KIF5A: variants seen among roughly 807,000 people sequenced by gnomAD.
The protein encoded by KIF5A is kinesin heavy chain isoform 5A.
KIF5A carries 35 observed loss-of-function variants against 141.3 expected under a neutral mutation model. That is an observed-to-expected ratio of 0.25 (90% confidence interval 0.19 to 0.33). KIF5A has a LOEUF of 0.33. Among genes scored for constraint, KIF5A ranks in the 10% least tolerant of loss-of-function variants. The pLI is 1.00. For synonymous variants in KIF5A, 448 were observed against 500.2 expected (o/e 0.90, Z 1.39); for missense variants, 861 against 1,314.3 (o/e 0.66, Z 5.33).
intron 12 of KIF5A, among the ~76,000 whole-genome samples, chr12:57,570,894 G>C (rs566740559): frequency 5.9e-5 from 9 of 151,830 alleles, no homozygotes; most frequent in Non-Finnish European, 1.2e-4. Context: ...GGGCTCGAGG[G>C]ATCCCCCCCA....
chr12:57,551,453 T>A (rs1881570130), intron 1 of KIF5A, among the ~76,000 whole-genome samples: 1 of 152,182 alleles, frequency 6.6e-6, no homozygotes, highest in African/African-American at 2.4e-5. Flanking sequence ...GTTCTGCACC[T>A]TTATCTGTAA....
At chr12:57,580,059 T>C (rs113328064) in intron 23 of KIF5A, among the ~76,000 whole-genome samples, 66 of 152,310 alleles carry the variant, frequency 4.3e-4, no homozygotes, top group Non-Finnish European at 7.6e-4. Flanking sequence ...GCTAAAGTAT[T>C]GTCACAGCAA....
intron 23 of KIF5A, among the ~76,000 whole-genome samples, chr12:57,579,858 C>T (rs1882541491): frequency 6.6e-6 from 1 of 152,146 alleles, no homozygotes; most frequent in Non-Finnish European, 1.5e-5. Context: ...ACACTGTTTC[C>T]TTTATCGTCA....
chr12:57,572,778 G>A lies in KIF5A; in HGVS notation c.1716+52G>A, dbSNP rs756975945. On this transcript the variant is annotated intron_variant, in intron 15 of 28. Transcript: ENST00000455537. This position sits in a 1 kb window ranked among gnomAD's most constrained non-coding sequence, Gnocchi z 4.2. ...TTCAGGCTGGGCACTAGTGGAAGAC[G>A]CAAGATGAGCCATCCAGGCCTTCAC... The A allele has an allele frequency of 3.7e-6, 6 of 1,605,552 alleles. No individual in the cohort carries two copies. Among genetic ancestry groups the A allele is most frequent in the South Asian group, 1.1e-5 (1 of 90,888 alleles).
chr12:57,557,168 C>T (rs913191776), intron 1 of KIF5A, among the ~76,000 whole-genome samples: 3 of 151,924 alleles, frequency 2.0e-5, no homozygotes, highest in Non-Finnish European at 4.4e-5. Flanking sequence ...CAATCCCCAA[C>T]CCAAATGCTA....
chr12:57,555,785 TG>T (rs1237817201), intron 1 of KIF5A, among the ~76,000 whole-genome samples: 1 of 149,156 alleles, frequency 6.7e-6, no homozygotes, highest in African/African-American at 2.5e-5. Flanking sequence ...GGTGGGCGCC[TG>T]TAATCCCAGC....
intron 12 of KIF5A, among the ~76,000 whole-genome samples, chr12:57,570,392 T>C (rs1157049580): frequency 6.6e-6 from 1 of 152,236 alleles, no homozygotes; most frequent in Admixed American, 6.5e-5. Flanking sequence ...AATTGAGTTA[T>C]ACTGTATAAG....
intron 1 of KIF5A, among the ~76,000 whole-genome samples, chr12:57,551,666 A>G (rs1337408139): frequency 6.6e-6 from 1 of 152,154 alleles, no homozygotes; most frequent in African/African-American, 2.4e-5. Context: ...ATCTTTATCC[A>G]CAGTGCTTGG....
intron 1 of KIF5A, among the ~76,000 whole-genome samples, chr12:57,556,385 G>A (rs568252795): frequency 6.6e-6 from 1 of 152,064 alleles, no homozygotes; most frequent in Admixed American, 6.6e-5. Context: ...TGATCCACCC[G>A]CCTCGGCCTC....
In KIF5A at chr12:57,578,099, G is replaced by A. The variant is rs114929380; in HGVS notation, c.2433+19G>A. The A allele has an allele frequency of 3.3e-4, 530 of 1,609,390 alleles. 2 individuals are homozygous for A. In the African/African-American group the frequency reaches 5.7e-3, roughly 17 times the overall value. ...CAAGAAAGTGAGTGCTGTCCTTGGG[G>A]TTTTGTCAGCCCCCACATCCTCCTC... On this transcript the variant is annotated intron_variant, in intron 22 of 28. Transcript: ENST00000455537.
chr12:57,555,655 A>G (rs1012921955), intron 1 of KIF5A, among the ~76,000 whole-genome samples: 1 of 152,126 alleles, frequency 6.6e-6, no homozygotes, highest in African/African-American at 2.4e-5. Context: ...TCACGCCTAT[A>G]ATCTCAGCAC....
At chr12:57,577,892 T>A (rs180706454) in intron 21 of KIF5A, 117 bp from the exon 22 acceptor site, 1 of 1,259,446 alleles carries the variant, frequency 7.9e-7, no homozygotes, top group East Asian at 2.3e-5. Context: ...CAAGACACAT[T>A]TTTTCCTAAA....
At chr12:57,567,094 C>T in intron 6 of KIF5A, 32 bp from the exon 7 acceptor site, 2 of 1,358,810 alleles carry the variant, frequency 1.5e-6, no homozygotes, top group Non-Finnish European at 2.1e-6. Flanking sequence ...AAAAACAAAG[C>T]TTATGGGTCA....
intron 1 of KIF5A, among the ~76,000 whole-genome samples, chr12:57,553,676 C>T (rs1327655592): frequency 3.3e-5 from 5 of 152,092 alleles, no homozygotes; most frequent in African/African-American, 1.2e-4. Context: ...TGATCTTAAA[C>T]CCCCAGCCCC....
At chr12:57,574,851 G>A (rs1462973119) in intron 15 of KIF5A, among the ~76,000 whole-genome samples, 1 of 152,172 alleles carries the variant, frequency 6.6e-6, no homozygotes, top group African/African-American at 2.4e-5. Flanking sequence ...CCAAAGTGCT[G>A]AGATTACAAG....
At chr12:57,581,649 G>A (rs943287837) in intron 25 of KIF5A, 81 bp downstream of exon 25, 1 of 1,515,696 alleles carries the variant, frequency 6.6e-7, no homozygotes, top group African/African-American at 1.4e-5. Flanking sequence ...GCAGTTATTG[G>A]TTGTGGCTTA....
rs763135764 is a variant in KIF5A, at chr12:57,569,330, G to A, written c.894G>A (p.Thr298=). The change falls in exon 10 of 29, where the codon ACG becomes ACA. Residue 298 remains threonine (T), a synonymous_variant. Coordinates refer to ENST00000455537, the MANE Select transcript of KIF5A (RefSeq NM_004984.4). ...LQDSLGGNCR[T]TMFICCSPSS... The stretch of plus-strand genomic sequence containing the variant: ...ACTCTCTCGGGGGAAACTGCCGGAC[G>A]ACTATGTTCATCTGTTGCTCACCAT... The A allele has an allele frequency of 5.1e-5, 83 of 1,613,674 alleles. No individual in the cohort carries two copies. Among genetic ancestry groups the A allele is most frequent in the Non-Finnish European group, 5.8e-5 (69 of 1,179,852 alleles).
intron 23 of KIF5A, among the ~76,000 whole-genome samples, chr12:57,579,729 A>G (rs1411138361): frequency 1.3e-5 from 2 of 152,152 alleles, no homozygotes; most frequent in African/African-American, 2.4e-5. Flanking sequence ...CCAAATCCAT[A>G]TTATGTTGCT....
intron 15 of KIF5A, 73 bp from the exon 16 acceptor site, chr12:57,575,011 G>A: frequency 2.1e-6 from 3 of 1,415,148 alleles, no homozygotes; most frequent in Non-Finnish European, 3.0e-6. Context: ...GTATGGGTAG[G>A]TAGAAGGTGG....
Sources: allele counts gnomAD v4.1 joint callset (sites outside exome capture counted in the v4.1 genomes callset), GRCh38; gene constraint gnomAD v4.1.1; non-coding constraint Gnocchi (gnomAD v3.1); transcripts MANE v1.5; gene names NCBI Gene and HGNC (gene_info 2026-07-23, HGNC 2026-07-21).